The following NR1H4 variants were observed in gnomAD, a reference collection of about 807,000 sequenced individuals.
NR1H4 encodes bile acid receptor.
NR1H4 carries 23 observed loss-of-function variants against 58.5 expected under a neutral mutation model. That is an observed-to-expected ratio of 0.39 (90% confidence interval 0.28 to 0.56). The LOEUF (loss-of-function observed/expected upper bound fraction) is 0.56. Among genes scored for constraint, NR1H4 ranks in the 20% least tolerant of loss-of-function variants. The pLI is 0.58. For missense variants in NR1H4, 487 were observed against 576.9 expected, an observed-to-expected ratio of 0.84 and a Z score of 1.60; for synonymous variants, 214 against 198.0, an observed-to-expected ratio of 1.08 and a Z score of -0.68.
At chr12:100,489,290 T>G (rs1953558293) in intron 1 of NR1H4, among the ~76,000 whole-genome samples, 2 of 152,202 alleles carry the variant, frequency 1.3e-5, no homozygotes, top group Non-Finnish European at 2.9e-5. Flanking sequence ...TTGAATCCCT[T>G]CTGTTCTTTG....
intron 9 of NR1H4, 35 bp from the exon 10 acceptor site, chr12:100,561,850 A>G: frequency 1.1e-6 from 1 of 903,352 alleles, no homozygotes; most frequent in South Asian, 1.3e-5. Context: ...TTAGTCACTC[A>G]AAAATTGTAT....
intron 7 of NR1H4, 108 bp from the exon 8 acceptor site, chr12:100,536,840 G>A: frequency 1.4e-6 from 1 of 734,974 alleles, no homozygotes; most frequent in South Asian, 1.8e-5. Flanking sequence ...ATAGTAAGAT[G>A]GGTTTTCAAA....
chr12:100,473,935 A>C lies in NR1H4; in HGVS notation c.-314A>C, dbSNP rs1953215387. On this transcript the variant is annotated 5_prime_UTR_variant, in exon 1 of 11. Transcript: ENST00000392986. ...TCCTCCTCACCTCATTGTCTCCCCGACTTATCCTAATGCGAAATTGGATTC... is the reference window on the plus strand; with the variant it reads ...TCCTCCTCACCTCATTGTCTCCCCGCCTTATCCTAATGCGAAATTGGATTC... 1 of 152,234 alleles carries C rather than the reference A, an allele frequency of 6.6e-6. No individual in the cohort carries two copies. The highest frequency in any genetic ancestry group is 1.5e-5 in the Non-Finnish European group (1 of 68,076). The allele number at this position is 152,234 out of a possible 1,614,324, so 9.4% of individuals were successfully genotyped here. A position where few individuals can be genotyped will look rare whatever the true frequency, so the allele number is the denominator to read the frequency against.
chr12:100,479,491 C>A (rs1304336300), intron 1 of NR1H4, among the ~76,000 whole-genome samples: 2 of 152,184 alleles, frequency 1.3e-5, no homozygotes, highest in African/African-American at 4.8e-5. Context: ...ACAGCATAGA[C>A]AACTATTTAG....
intron 7 of NR1H4, 125 bp from the exon 8 acceptor site, chr12:100,536,823 C>A: frequency 2.9e-6 from 2 of 693,442 alleles, no homozygotes; most frequent in Non-Finnish European, 4.9e-6. Context: ...CTCCAAAGAT[C>A]TGAGAAATAG....
Position 100,548,299 on chromosome 12 carries a change from G to A in NR1H4, c.1078+7481G>A, listed in dbSNP as rs75061399. ...GGAGAATTGCTTGAACCCGGAAGGC[G>A]GAGGTTTCAGTGAGCCAAGATTGCA... On this transcript the variant is annotated intron_variant, in intron 9 of 10. Transcript: ENST00000392986. 0.025 allele frequency among the ~76,000 whole-genome samples: 3,832 copies of A among 151,014 alleles called. 306 individuals are homozygous for A. In the East Asian group the frequency reaches 0.3, roughly 12 times the overall value.
chr12:100,533,416 C>T (rs549783837), intron 5 of NR1H4, among the ~76,000 whole-genome samples: 9 of 152,298 alleles, frequency 5.9e-5, no homozygotes, highest in African/African-American at 2.2e-4. Flanking sequence ...TCTATTGTTA[C>T]CAAACTGTAC....
intron 4 of NR1H4, 126 bp from the exon 5 acceptor site, chr12:100,532,332 C>T (rs2136227352): frequency 1.2e-6 from 1 of 807,152 alleles, no homozygotes; most frequent in East Asian, 2.5e-5. Flanking sequence ...CTGGTGTGCT[C>T]AAGGATGGCC....
At chr12:100,487,614 T>G (rs901831634) in intron 1 of NR1H4, among the ~76,000 whole-genome samples, 2 of 145,848 alleles carry the variant, frequency 1.4e-5, no homozygotes, top group African/African-American at 5.1e-5. Context: ...TTTTTTTTTT[T>G]GAGACGAGTC....
chr12:100,512,280 C>T (rs911264681), intron 4 of NR1H4, among the ~76,000 whole-genome samples: 27 of 151,786 alleles, frequency 1.8e-4, no homozygotes, highest in Admixed American at 1.6e-3. Context: ...GTTATGGATG[C>T]TATAGAGAAA....
At chr12:100,561,360 T>G (rs1206420626) in intron 9 of NR1H4, among the ~76,000 whole-genome samples, 2 of 152,000 alleles carry the variant, frequency 1.3e-5, no homozygotes, top group Non-Finnish European at 2.9e-5. Context: ...ATCACGCCAC[T>G]GCACTCCAGC....
At chr12:100,512,901 C>G (rs1163870961) in intron 4 of NR1H4, among the ~76,000 whole-genome samples, 3 of 152,178 alleles carry the variant, frequency 2.0e-5, no homozygotes, top group Non-Finnish European at 4.4e-5. Flanking sequence ...ATAAGATCGG[C>G]TCAAGGACAT....
rs544594456 is a variant in NR1H4, at chr12:100,488,812, A to G, written c.-189-3691A>G. Among the ~76,000 whole-genome samples the G allele has an allele frequency of 6.6e-5, 10 of 152,384 alleles. 1 individual carries two copies. The highest frequency in any genetic ancestry group is 2.4e-4 in the African/African-American group (10 of 41,592). On this transcript the variant is annotated intron_variant, in intron 1 of 10. Coordinates refer to ENST00000392986, the MANE Select transcript of NR1H4 (RefSeq NM_001206979.2). ...ACAACATGTAAAAATGTCAATTTTTATAATACATCAGAAATTATATTACTT... is the reference window on the plus strand; with the variant it reads ...ACAACATGTAAAAATGTCAATTTTTGTAATACATCAGAAATTATATTACTT...
At chr12:100,495,294 A>G (rs1273420795) in intron 3 of NR1H4, among the ~76,000 whole-genome samples, 1 of 152,210 alleles carries the variant, frequency 6.6e-6, no homozygotes, top group Non-Finnish European at 1.5e-5. Context: ...TCAACTCTTT[A>G]TCTGGTCCCC....
intron 4 of NR1H4, among the ~76,000 whole-genome samples, chr12:100,517,076 A>G (rs949774097): frequency 6.6e-6 from 1 of 152,214 alleles, no homozygotes; most frequent in Non-Finnish European, 1.5e-5. Context: ...TGAAATACAC[A>G]GTACATTATT....
chr12:100,485,824 A>G lies in NR1H4; in HGVS notation c.-189-6679A>G, dbSNP rs187183754. ...GCTGGGATTACAGGTGTGAGCCACT[A>G]TGCCCAGCCGCTAGTTCATTTTATA... On this transcript the variant is annotated intron_variant, in intron 1 of 10. Transcript: ENST00000392986. Among the ~76,000 whole-genome samples the G allele has an allele frequency of 2.6e-5, 4 of 152,214 alleles. No homozygotes were observed. The East Asian group carries it at 7.7e-4, about 29-fold the overall frequency.
rs997172750 is a variant in NR1H4, at chr12:100,476,004, G to A, written c.-190+1945G>A. 5.7e-4 allele frequency among the ~76,000 whole-genome samples: 87 copies of A among 152,262 alleles called. 1 individual carries two copies. Among genetic ancestry groups the A allele is most frequent in the Non-Finnish European group, 1.9e-4 (13 of 68,016 alleles). ...CCGCCTCGGCTTCCCAGAGTGCTAG[G>A]ATTACAGGCGTGAGCCACTGCGCCC... On this transcript the variant is annotated intron_variant, in intron 1 of 10. Coordinates refer to ENST00000392986, the MANE Select transcript of NR1H4 (RefSeq NM_001206979.2).
chr12:100,504,247 T>C lies in NR1H4; in HGVS notation c.80-6531T>C, dbSNP rs150173527. ...CAGTATAATGTAAATCATATTTTAA[T>C]ATTTTTTAAAACAGAAATTCATCTT... On this transcript the variant is annotated intron_variant, in intron 3 of 10. Transcript: ENST00000392986. 2.4e-4 allele frequency among the ~76,000 whole-genome samples: 36 copies of C among 152,338 alleles called. 1 individual carries two copies. Among genetic ancestry groups the C allele is most frequent in the Non-Finnish European group, 4.1e-4 (28 of 68,036 alleles).
At chr12:100,560,356 G>T (rs1270796194) in intron 9 of NR1H4, among the ~76,000 whole-genome samples, 1 of 151,930 alleles carries the variant, frequency 6.6e-6, no homozygotes, top group Non-Finnish European at 1.5e-5. Context: ...AATAACTCTT[G>T]CTACTGCTCA....
Sources: allele counts gnomAD v4.1 joint callset (sites outside exome capture counted in the v4.1 genomes callset), GRCh38; gene constraint gnomAD v4.1.1; transcripts MANE v1.5; gene names NCBI Gene and HGNC (gene_info 2026-07-23, HGNC 2026-07-21).